The following DPYD variants were observed in gnomAD, a reference collection of about 807,000 sequenced individuals.
DPYD encodes dihydropyrimidine dehydrogenase.
DPYD carries 109 observed loss-of-function variants against 116.2 expected under a neutral mutation model. The observed-to-expected ratio is 0.94, with a 90% confidence interval of 0.80 to 1.10. The LOEUF (loss-of-function observed/expected upper bound fraction) is 1.10. DPYD is among the 50% of genes least tolerant of loss of function. DPYD has a pLI of 0.00. For synonymous variants in DPYD, 440 were observed against 432.0 expected (o/e 1.02, Z -0.23); for missense variants, 1,302 against 1,254.5 (o/e 1.04, Z -0.57).
intron 13 of DPYD, among the ~76,000 whole-genome samples, chr1:97,501,654 T>A (rs1267416738): frequency 1.3e-5 from 2 of 151,628 alleles, no homozygotes; most frequent in African/African-American, 4.8e-5. Context: ...AAGGATACAG[T>A]GAATCTACAC....
chr1:97,134,011 AAAAATATATATAT>A (rs1180047258), intron 20 of DPYD, among the ~76,000 whole-genome samples: 14 of 35,176 alleles, frequency 4.0e-4, no homozygotes, highest in East Asian at 1.0e-3. Context: ...AAAAAAAAAA[AAAAATATATATAT>A]ATATATATAT....
intron 10 of DPYD, among the ~76,000 whole-genome samples, chr1:97,583,828 G>A (rs1653882720): frequency 1.3e-5 from 2 of 151,916 alleles, no homozygotes; most frequent in Admixed American, 1.3e-4. Flanking sequence ...GGACATTTGG[G>A]TTGGTTCCAA....
intron 13 of DPYD, among the ~76,000 whole-genome samples, chr1:97,477,373 T>C (rs903670868): frequency 4.6e-5 from 7 of 152,312 alleles, no homozygotes; most frequent in African/African-American, 1.7e-4. Flanking sequence ...CACTTCTAAT[T>C]CTAGTTATCT....
intron 18 of DPYD, among the ~76,000 whole-genome samples, chr1:97,269,027 C>A (rs780513352): frequency 6.6e-6 from 1 of 152,080 alleles, no homozygotes; most frequent in African/African-American, 2.4e-5. Context: ...TGTAAGCTGC[C>A]ACCATATAGC....
At chr1:97,789,167 C>G (rs1667192586) in intron 3 of DPYD, among the ~76,000 whole-genome samples, 1 of 152,108 alleles carries the variant, frequency 6.6e-6, no homozygotes, top group Non-Finnish European at 1.5e-5. Flanking sequence ...TACCTTCATT[C>G]AATAATAAAT....
At chr1:97,083,121 G>A (rs1033609874) in intron 21 of DPYD, among the ~76,000 whole-genome samples, 3 of 152,122 alleles carry the variant, frequency 2.0e-5, no homozygotes, top group Admixed American at 6.6e-5. Flanking sequence ...GATCTTTCAT[G>A]TGATTACACA....
At chr1:97,553,848 A>C (rs1651497035) in intron 11 of DPYD, among the ~76,000 whole-genome samples, 1 of 152,096 alleles carries the variant, frequency 6.6e-6, no homozygotes. Context: ...ATTATTCTGC[A>C]ATTGGAAGAG....
intron 20 of DPYD, among the ~76,000 whole-genome samples, chr1:97,155,771 G>C (rs1038217795): frequency 7.2e-5 from 11 of 152,142 alleles, no homozygotes; most frequent in African/African-American, 2.4e-4. Context: ...CCAAATTATA[G>C]CCAACTACAA....
intron 1 of DPYD, among the ~76,000 whole-genome samples, chr1:97,907,725 C>T (rs565798029): frequency 3.9e-5 from 6 of 151,978 alleles, no homozygotes; most frequent in Admixed American, 2.0e-4. Flanking sequence ...TTTGTCCTTC[C>T]TCTTTCCTTC....
At chr1:97,509,140 G>T (rs1336797707) in intron 13 of DPYD, among the ~76,000 whole-genome samples, 1 of 152,024 alleles carries the variant, frequency 6.6e-6, no homozygotes, top group Admixed American at 6.6e-5. Context: ...AGTCAACCCA[G>T]CTGAGCCTTG....
At chr1:97,251,481 T>A (rs1358252569) in intron 18 of DPYD, among the ~76,000 whole-genome samples, 2 of 150,340 alleles carry the variant, frequency 1.3e-5, no homozygotes, top group African/African-American at 4.9e-5. Flanking sequence ...CTGAAGATCA[T>A]CATCTACAGT....
chr1:97,483,148 T>C (rs562785542), intron 13 of DPYD, among the ~76,000 whole-genome samples: 1 of 152,224 alleles, frequency 6.6e-6, no homozygotes, highest in Non-Finnish European at 1.5e-5. Flanking sequence ...TTTGCTCTGT[T>C]TCCGGAGAAA....
intron 5 of DPYD, among the ~76,000 whole-genome samples, chr1:97,717,679 G>A (rs960417305): frequency 2.0e-5 from 3 of 152,002 alleles, no homozygotes; most frequent in Non-Finnish European, 4.4e-5. Flanking sequence ...TCCCACTTAT[G>A]AGTGAGAACA....
intron 20 of DPYD, among the ~76,000 whole-genome samples, chr1:97,125,467 C>G (rs928717424): frequency 4.6e-5 from 7 of 152,062 alleles, no homozygotes; most frequent in Non-Finnish European, 1.0e-4. Context: ...AGTTTTATGA[C>G]TTTCTAGTAC....
At chr1:97,773,076 G>C (rs1395909640) in intron 3 of DPYD, among the ~76,000 whole-genome samples, 1 of 152,188 alleles carries the variant, frequency 6.6e-6, no homozygotes, top group African/African-American at 2.4e-5. Context: ...TGGAAGAAGT[G>C]TGAGTTTTAT....
intron 13 of DPYD, among the ~76,000 whole-genome samples, chr1:97,469,610 A>G (rs1043881889): frequency 7.2e-5 from 11 of 152,098 alleles, no homozygotes; most frequent in African/African-American, 1.9e-4. Flanking sequence ...TAGCATATTG[A>G]TAAGTTTCTG....
At chr1:97,339,607 C>T (rs1669493337) in intron 16 of DPYD, among the ~76,000 whole-genome samples, 1 of 152,116 alleles carries the variant, frequency 6.6e-6, no homozygotes, top group Admixed American at 6.5e-5. Context: ...GTACTGATAT[C>T]TTATCTGAAG....
chr1:97,492,956 G>A (rs1371354927), intron 13 of DPYD, among the ~76,000 whole-genome samples: 1 of 152,150 alleles, frequency 6.6e-6, no homozygotes, highest in African/African-American at 2.4e-5. Flanking sequence ...AAATGAAAAT[G>A]CTAATGATAC....
At chr1:97,456,249 A>C (rs868377177) in intron 13 of DPYD, among the ~76,000 whole-genome samples, 1 of 151,994 alleles carries the variant, frequency 6.6e-6, no homozygotes, top group African/African-American at 2.4e-5. Context: ...TTTCAGTTGC[A>C]AGAAAAACAA....
Sources: allele counts gnomAD v4.1 joint callset (sites outside exome capture counted in the v4.1 genomes callset), GRCh38; gene constraint gnomAD v4.1.1; transcripts MANE v1.5; gene names NCBI Gene and HGNC (gene_info 2026-07-23, HGNC 2026-07-21).